The following SLC25A48 variants were observed in gnomAD, a reference collection of about 807,000 sequenced individuals.
SLC25A48 encodes CTC-321K16.1.
Under a neutral mutation model 32.2 loss-of-function variants are expected in SLC25A48, and 29 were observed. The ratio of observed to expected loss-of-function variants is 0.90; its 90% confidence interval spans 0.67 to 1.23. The LOEUF (loss-of-function observed/expected upper bound fraction) is 1.23, where lower values mean the gene tolerates loss of function less well. Ranked by LOEUF, SLC25A48 falls within the 50% of genes most tolerant of loss-of-function variation. SLC25A48 has a pLI of 0.00. For missense variants in SLC25A48, 399 were observed against 422.7 expected, an observed-to-expected ratio of 0.94 and a Z score of 0.49; for synonymous variants, 164 against 172.3, an observed-to-expected ratio of 0.95 and a Z score of 0.38.
intron 3 of SLC25A48, among the ~76,000 whole-genome samples, chr5:135,711,775 C>A (rs1754670130): frequency 6.6e-6 from 1 of 152,130 alleles, no homozygotes; most frequent in Admixed American, 6.6e-5. Flanking sequence ...GGGTTTGGCA[C>A]CCCATGATTG....
At chr5:135,620,992 A>G (rs903523822) in intron 1 of SLC25A48, among the ~76,000 whole-genome samples, 1 of 152,128 alleles carries the variant, frequency 6.6e-6, no homozygotes, top group African/African-American at 2.4e-5. Context: ...CTCCTTCCAG[A>G]TGATCTATTC....
intron 3 of SLC25A48, among the ~76,000 whole-genome samples, chr5:135,691,896 C>G (rs1411498783): frequency 6.6e-6 from 1 of 152,172 alleles, no homozygotes; most frequent in Non-Finnish European, 1.5e-5. Context: ...GGCCCTTGCT[C>G]AAGTGTGGTT....
At chr5:135,672,357 T>C (rs923052014) in intron 3 of SLC25A48, among the ~76,000 whole-genome samples, 12 of 152,240 alleles carry the variant, frequency 7.9e-5, no homozygotes, top group African/African-American at 2.9e-4. Flanking sequence ...CAGCAGGTTT[T>C]TGTGCAGCTG....
chr5:135,585,096 T>C (rs1430933826), intron 1 of SLC25A48, among the ~76,000 whole-genome samples: 1 of 151,554 alleles, frequency 6.6e-6, no homozygotes, highest in Non-Finnish European at 1.5e-5. Context: ...GCAGGTAGAG[T>C]TGTTGGTGGC....
chr5:135,880,599 A>G (rs1356478060), intron 7 of SLC25A48, among the ~76,000 whole-genome samples: 1 of 151,866 alleles, frequency 6.6e-6, no homozygotes, highest in Non-Finnish European at 1.5e-5. Flanking sequence ...TTTCTTTCTC[A>G]TTGCAGAAAG....
chr5:135,645,964 G>C (rs1752948241), intron 3 of SLC25A48, among the ~76,000 whole-genome samples: 1 of 152,152 alleles, frequency 6.6e-6, no homozygotes, highest in Non-Finnish European at 1.5e-5. Flanking sequence ...GGCATGACCA[G>C]GCAATAAGAT....
Position 135,728,794 on chromosome 5 carries a change from C to T in SLC25A48, c.-520-83729C>T, listed in dbSNP as rs745497172. On this transcript the variant is annotated intron_variant, in intron 3 of 10. Coordinates refer to the SLC25A48 transcript ENST00000646290. ...CACTTTCTACCTCTGACTTGCCTTT[C>T]ACCTCAGTTTCATCCTCTTGGAATT... is the stretch of plus-strand genomic sequence containing the variant. 2.0e-5 allele frequency among the ~76,000 whole-genome samples: 3 copies of T among 151,182 alleles called. No individual in the cohort carries two copies. In the Admixed American group the frequency reaches 2.0e-4, roughly 10 times the overall value.
Position 135,852,766 on chromosome 5 carries a change from G to T in SLC25A48, c.366G>T (p.Gly122=), listed in dbSNP as rs756755110. 1.9e-6 allele frequency: 3 copies of T among 1,613,898 alleles called. No individual in the cohort carries two copies. In the South Asian group the frequency reaches 3.3e-5, roughly 18 times the overall value. Residue 122 remains glycine (G), a synonymous_variant, in exon 4 of 8, where the codon GGG becomes GGT. Transcript: ENST00000681962. ...VAGVVSVGLG[G]PVDLIKIRLQ... ...GCGTGGTCTCTGTCGGGCTGGGAGG[G>T]CCCGTGGACCTCATCAAGATCCGGT...
intron 3 of SLC25A48, among the ~76,000 whole-genome samples, chr5:135,725,127 A>T (rs888690173): frequency 2.0e-5 from 3 of 152,136 alleles, no homozygotes; most frequent in Non-Finnish European, 4.4e-5. Flanking sequence ...CTACAGGAAC[A>T]GAGACAGCTT....
chr5:135,849,355 G>C (rs1308066442), intron 2 of SLC25A48, among the ~76,000 whole-genome samples: 2 of 152,150 alleles, frequency 1.3e-5, no homozygotes, highest in Non-Finnish European at 2.9e-5. Flanking sequence ...CATGCTGTGT[G>C]TGCTGACAAA....
intron 3 of SLC25A48, among the ~76,000 whole-genome samples, chr5:135,686,817 T>C (rs1374750159): frequency 6.6e-6 from 1 of 152,056 alleles, no homozygotes; most frequent in Non-Finnish European, 1.5e-5. Context: ...GAAGTATGGG[T>C]GGATGGAAGG....
intron 3 of SLC25A48, among the ~76,000 whole-genome samples, chr5:135,678,218 GT>G (rs1277661091): frequency 6.6e-6 from 1 of 151,366 alleles, no homozygotes; most frequent in Admixed American, 6.6e-5. Context: ...TTTTTAATTC[GT>G]TTTTTTTCTT....
Position 135,695,286 on chromosome 5 carries a change from A to G in SLC25A48, c.-521+60330A>G, listed in dbSNP as rs188101158. On this transcript the variant is annotated intron_variant, in intron 3 of 10. Coordinates refer to the SLC25A48 transcript ENST00000646290. The stretch of plus-strand genomic sequence containing the variant: ...ATTGCCCTGCTCTGTCTTCGCAGCC[A>G]TCTGAAATTCTTGTGCTTTTTATGT... Among the ~76,000 whole-genome samples, 718 of 94,666 alleles carry G rather than the reference A, an allele frequency of 7.6e-3. 7 individuals carry two copies. Among genetic ancestry groups the G allele is most frequent in the Non-Finnish European group, 0.012 (509 of 40,928 alleles). The allele number at this position is 94,666 out of a possible 152,430, so 62.1% of individuals were successfully genotyped here.
intron 6 of SLC25A48, among the ~76,000 whole-genome samples, chr5:135,879,599 A>AGTGTGTGT (rs1435731336): frequency 1.4e-5 from 2 of 139,090 alleles, no homozygotes; most frequent in African/African-American, 3.1e-5. Flanking sequence ...AGAGAGAGAG[A>AGTGTGTGT]GAGAGAGAGA....
At chr5:135,732,735 G>T (rs1371109041) in intron 3 of SLC25A48, among the ~76,000 whole-genome samples, 1 of 152,136 alleles carries the variant, frequency 6.6e-6, no homozygotes, top group Non-Finnish European at 1.5e-5. Context: ...TTTCCTTGGT[G>T]CAAGAACCAT....
chr5:135,749,066 C>A (rs182617325), intron 3 of SLC25A48, among the ~76,000 whole-genome samples: 1 of 152,048 alleles, frequency 6.6e-6, no homozygotes, highest in African/African-American at 2.4e-5. Flanking sequence ...TTCCTGATGT[C>A]CCTTAAGACA....
At position 135,696,503 on chromosome 5, in the gene SLC25A48, A is replaced by G. The variant is rs561695384; in HGVS notation, c.-521+61547A>G. Among the ~76,000 whole-genome samples the G allele has an allele frequency of 2.8e-3, 417 of 147,578 alleles. 3 individuals carry two copies. The highest frequency in any genetic ancestry group is 3.1e-3 in the Non-Finnish European group (211 of 67,954). On this transcript the variant is annotated intron_variant, in intron 3 of 10. Transcript: ENST00000646290. Reference sequence around the variant, plus strand: ...TGCTCAGTGAATGCTGGGTGAGTGAATGAATGAATGAATGAATGAATGATT... The same window carrying G: ...TGCTCAGTGAATGCTGGGTGAGTGAGTGAATGAATGAATGAATGAATGATT...
At chr5:135,591,947 G>A (rs1033200152) in intron 1 of SLC25A48, among the ~76,000 whole-genome samples, 6 of 152,162 alleles carry the variant, frequency 3.9e-5, no homozygotes, top group Non-Finnish European at 8.8e-5. Flanking sequence ...GGCTGAACCT[G>A]CCCCCAACTC....
At chr5:135,773,942 C>A (rs906326819) in intron 3 of SLC25A48, among the ~76,000 whole-genome samples, 1 of 151,552 alleles carries the variant, frequency 6.6e-6, no homozygotes. Flanking sequence ...CTCCCAATAA[C>A]CCAGAGGATG....
Sources: allele counts gnomAD v4.1 joint callset (sites outside exome capture counted in the v4.1 genomes callset), GRCh38; gene constraint gnomAD v4.1.1; transcripts MANE v1.5; gene names NCBI Gene and HGNC (gene_info 2026-07-23, HGNC 2026-07-21).